The following NLRP5 variants were observed in gnomAD, a reference collection of about 807,000 sequenced individuals.
NLRP5 encodes NACHT, LRR and PYD domains-containing protein 5.
A neutral mutation model predicts 113.1 loss-of-function variants in NLRP5; 93 were observed. The ratio of observed to expected loss-of-function variants is 0.82; its 90% CI spans 0.70 to 0.98. The LOEUF is 0.98. Among genes scored for constraint, NLRP5 ranks in the 50% least tolerant of loss-of-function variants. NLRP5 has a pLI of 0.00. For synonymous variants in NLRP5, 751 were observed against 600.7 expected, an observed-to-expected ratio of 1.25 and a Z score of -3.66; for missense variants, 1,808 against 1,514.3, an observed-to-expected ratio of 1.19 and a Z score of -3.22.
At chr19:56,013,684 G>A (rs1376345226) in intron 3 of NLRP5, among the ~76,000 whole-genome samples, 2 of 138,390 alleles carry the variant, frequency 1.4e-5, no homozygotes, top group Non-Finnish European at 3.0e-5. Flanking sequence ...TTTGATTCAG[G>A]GAGGCCTATA....
At chr19:56,012,236 C>T (rs867749494) in intron 3 of NLRP5, among the ~76,000 whole-genome samples, 81 of 152,144 alleles carry the variant, frequency 5.3e-4, no homozygotes, top group African/African-American at 1.9e-3. Context: ...GCAAGCTCCA[C>T]CTCCCAGGTT....
Position 56,003,764 on chromosome 19 carries a change from T to C in NLRP5, c.111T>C (p.Asn37=). The change falls in exon 2 of 15, where the codon AAT becomes AAC. Residue 37 remains asparagine (N), a synonymous_variant. Coordinates refer to ENST00000390649, the MANE Select transcript of NLRP5 (RefSeq NM_153447.4). ...CTACTTGCTCTATATTACCAAAGAA[T>C]CCACTTTTCCCCCAAAACCTGAGCT... 6.2e-7 allele frequency: 1 copy of C among 1,613,618 alleles called. No homozygotes were observed. The highest frequency in any genetic ancestry group is 8.5e-7 in the Non-Finnish European group (1 of 1,179,784).
At chr19:56,059,528 A>G (rs1327756179) in intron 14 of NLRP5, among the ~76,000 whole-genome samples, 1 of 152,044 alleles carries the variant, frequency 6.6e-6, no homozygotes, top group Non-Finnish European at 1.5e-5. Flanking sequence ...GTTGTGGTAT[A>G]TTTATTTTAT....
intron 3 of NLRP5, among the ~76,000 whole-genome samples, chr19:56,012,116 C>A (rs558221792): frequency 6.6e-6 from 1 of 152,028 alleles, no homozygotes; most frequent in African/African-American, 2.4e-5. Context: ...TCCACCCCCA[C>A]AAGGAAAGGT....
the NLRP5 span, among the ~76,000 whole-genome samples, chr19:55,991,533 T>C: frequency 7.3e-6 from 1 of 137,422 alleles, no homozygotes; most frequent in Non-Finnish European, 1.7e-5. Context: ...TCAAAACAGA[T>C]AGCCACTTTT....
At chr19:56,050,083 C>T (rs1983873492) in intron 11 of NLRP5, among the ~76,000 whole-genome samples, 2 of 152,066 alleles carry the variant, frequency 1.3e-5, no homozygotes, top group South Asian at 4.2e-4. Flanking sequence ...AGTTCGAGAC[C>T]ATCCTGGTCA....
intron 1 of NLRP5, among the ~76,000 whole-genome samples, chr19:56,002,046 C>T (rs976213162): frequency 6.6e-6 from 1 of 152,146 alleles, no homozygotes; most frequent in African/African-American, 2.4e-5. Context: ...ATTTCAATGT[C>T]ATCATAGACC....
chr19:56,033,598 C>G lies in NLRP5; in HGVS notation c.2504C>G (p.Ala835Gly), dbSNP rs1260515407. 1 of 1,613,608 alleles carries G rather than the reference C, an allele frequency of 6.2e-7. No individual in the cohort carries two copies. Among genetic ancestry groups the G allele is most frequent in the Non-Finnish European group, 8.5e-7 (1 of 1,179,620 alleles). Reference sequence around the variant, plus strand: ...CAGCACCTCTGGAGAATCGTCATGGCCAACCGTAACCTAAGATCCCTCAAC... The same window carrying G: ...CAGCACCTCTGGAGAATCGTCATGGGCAACCGTAACCTAAGATCCCTCAAC... Residue 835 changes from alanine (A) to glycine (G), a missense_variant, in exon 9 of 15, where the codon GCC becomes GGC. By Grantham distance (60) the Ala-to-Gly change is moderately conservative (BLOSUM62 0). Coordinates refer to ENST00000390649, the MANE Select transcript of NLRP5 (RefSeq NM_153447.4).
chr19:56,025,042 G>C (rs1037022986), intron 6 of NLRP5, among the ~76,000 whole-genome samples: 1 of 35,188 alleles, frequency 2.8e-5, no homozygotes, highest in Non-Finnish European at 6.7e-5. Flanking sequence ...GAGGGATCTG[G>C]GTTGCGTGCT....
At chr19:55,988,426 A>ATATGTGTGTG in the NLRP5 span, 1 of 68,888 alleles carries the variant, frequency 1.5e-5, no homozygotes, top group African/African-American at 7.5e-5. Context: ...ATACACATAA[A>ATATGTGTGTG]TATATATATG....
chr19:56,015,196 T>C (rs1439427101), intron 3 of NLRP5, among the ~76,000 whole-genome samples: 1 of 152,170 alleles, frequency 6.6e-6, no homozygotes, highest in East Asian at 1.9e-4. Flanking sequence ...GTTTTCGTTT[T>C]GTTTTGTTTG....
intron 3 of NLRP5, among the ~76,000 whole-genome samples, chr19:56,009,776 TA>T (rs1390850964): frequency 6.6e-6 from 1 of 152,148 alleles, no homozygotes; most frequent in Non-Finnish European, 1.5e-5. Context: ...CCGTGAAACC[TA>T]ATCTGGTTTG....
chr19:56,041,171 T>C (rs1339010760), intron 11 of NLRP5, 79 bp downstream of exon 11: 2 of 1,414,582 alleles, frequency 1.4e-6, no homozygotes, highest in East Asian at 2.3e-5. Context: ...CAGAAGGCAG[T>C]GGGGAGGGGG....
chr19:56,005,642 A>ACACG (rs1555763942), intron 2 of NLRP5, among the ~76,000 whole-genome samples: 11 of 142,122 alleles, frequency 7.7e-5, no homozygotes, highest in South Asian at 2.2e-4. Context: ...ACACACACAC[A>ACACG]CGCGCGCAGG....
intron 12 of NLRP5, among the ~76,000 whole-genome samples, chr19:56,051,166 C>A (rs1983918340): frequency 6.6e-6 from 1 of 152,036 alleles, no homozygotes; most frequent in Admixed American, 6.6e-5. Flanking sequence ...GCACTTAATG[C>A]AACTTAATGC....
rs777442910 is a variant in NLRP5 at position 56,027,784 on chromosome 19, G to T, written c.1551G>T (p.Arg517=). Reference sequence around the variant, plus strand: ...AGCTCACCCCTCGAGGCGTGGTCCGGCGCTGTCTCAATCTGGAGGAAAGAG... The same window carrying T: ...AGCTCACCCCTCGAGGCGTGGTCCGTCGCTGTCTCAATCTGGAGGAAAGAG... Residue 517 remains arginine (R), a synonymous_variant, in exon 7 of 15, where the codon CGG becomes CGT. Transcript: ENST00000390649. The T allele has an allele frequency of 1.2e-6, 2 of 1,613,904 alleles. No individual in the cohort carries two copies. Among genetic ancestry groups the T allele is most frequent in the Admixed American group, 3.3e-5 (2 of 60,006 alleles).
chr19:55,995,384 A>G (rs1285803206), upstream of NLRP5, among the ~76,000 whole-genome samples: 1 of 152,218 alleles, frequency 6.6e-6, no homozygotes, highest in Admixed American at 6.6e-5. Flanking sequence ...AAAATATTCT[A>G]ACAAGTCCTG....
chr19:55,999,214 T>TTTC (rs1236566970), upstream of NLRP5, among the ~76,000 whole-genome samples: 3 of 142,796 alleles, frequency 2.1e-5, no homozygotes, highest in Non-Finnish European at 4.6e-5. Flanking sequence ...TTCTTTTTCT[T>TTTC]TTTTTTTTTT....
At chr19:56,026,476 T>C (rs1488879237) in intron 6 of NLRP5, among the ~76,000 whole-genome samples, 10 of 118,262 alleles carry the variant, frequency 8.5e-5, no homozygotes, top group African/African-American at 2.7e-4. Flanking sequence ...TGCAGTGAGC[T>C]GAGATTGCGC....
Sources: gnomAD v4.1 joint callset for allele counts (sites outside exome capture counted in the v4.1 genomes callset) on GRCh38, gnomAD v4.1.1 for gene constraint, MANE v1.5 for transcripts, NCBI Gene and HGNC (gene_info 2026-07-23, HGNC 2026-07-21) for gene names.